The following CTNNA2 variants were observed in gnomAD, a reference collection of about 807,000 sequenced individuals.
CTNNA2 encodes catenin alpha 2, also known as catenin alpha-2.
In CTNNA2, 42 loss-of-function variants were observed where a neutral mutation model predicts 101.0. The observed-to-expected ratio is 0.42, with a 90% CI of 0.32 to 0.54. CTNNA2 has a LOEUF of 0.54. CTNNA2 is among the 20% of genes least tolerant of loss of function. The pLI is 0.14. For missense variants in CTNNA2, 871 were observed against 1,223.1 expected (o/e 0.71, Z 4.29); for synonymous variants, 450 against 456.4 (o/e 0.99, Z 0.18).
intron 7 of CTNNA2, among the ~76,000 whole-genome samples, chr2:79,931,855 C>T (rs532647834): frequency 6.6e-6 from 1 of 152,284 alleles, no homozygotes; most frequent in Admixed American, 6.5e-5. Flanking sequence ...ACATGGGAAT[C>T]CAGGGATTTG....
At chr2:79,264,658 G>A (rs1674967203) in intron 2 of CTNNA2, among the ~76,000 whole-genome samples, 1 of 152,036 alleles carries the variant, frequency 6.6e-6, no homozygotes, top group African/African-American at 2.4e-5. Flanking sequence ...TCAGGAGTCA[G>A]GATGGTGACT....
At chr2:79,343,070 C>T (rs1677172972) in intron 3 of CTNNA2, among the ~76,000 whole-genome samples, 9 of 152,206 alleles carry the variant, frequency 5.9e-5, no homozygotes, top group Admixed American at 5.2e-4. Context: ...CAGCTGTGCA[C>T]ATTGATTTAT....
At chr2:79,619,411 A>G (rs556524258) in intron 1 of CTNNA2, among the ~76,000 whole-genome samples, 1 of 152,286 alleles carries the variant, frequency 6.6e-6, no homozygotes, top group African/African-American at 2.4e-5. Context: ...ATCCAGTTAC[A>G]CTGCTTTAAT....
At position 79,651,584 on chromosome 2, in the gene CTNNA2, C is replaced by T; in HGVS notation, c.28C>T (p.Leu10=). ...GACTTCGGCAACTTCACCTATCATT[C>T]TGAAATGGGACCCCAAAAGTTTGGA... MTSATSPII[L]KWDPKSLEIR... Residue 10 remains leucine (L), a synonymous_variant, in exon 2 of 19, where the codon CTG becomes TTG. Coordinates refer to ENST00000402739, the MANE Select transcript of CTNNA2 (RefSeq NM_001282597.3). The T allele has an allele frequency of 1.9e-6, 3 of 1,613,844 alleles. No individual in the cohort carries two copies. The South Asian group carries it at 3.3e-5, about 18-fold the overall frequency.
chr2:80,296,334 C>T (rs184155819), intron 7 of CTNNA2, among the ~76,000 whole-genome samples: 1 of 152,254 alleles, frequency 6.6e-6, no homozygotes, highest in African/African-American at 2.4e-5. Context: ...TCAAGTTTCT[C>T]ATTTTCCTTC....
intron 7 of CTNNA2, among the ~76,000 whole-genome samples, chr2:80,187,872 A>G (rs955276213): frequency 6.6e-6 from 1 of 151,940 alleles, no homozygotes; most frequent in South Asian, 2.1e-4. Context: ...TTTTATCCTC[A>G]CCTTACAACC....
intron 2 of CTNNA2, among the ~76,000 whole-genome samples, chr2:79,203,444 G>C (rs143138609): frequency 2.5e-4 from 38 of 151,824 alleles, no homozygotes; most frequent in African/African-American, 9.2e-4. Context: ...ATTACAAATG[G>C]AGGGAAAAAG....
intron 3 of CTNNA2, among the ~76,000 whole-genome samples, chr2:79,776,171 C>A (rs1673948483): frequency 6.6e-6 from 1 of 152,126 alleles, no homozygotes; most frequent in South Asian, 2.1e-4. Context: ...AATGTGGAAT[C>A]CTCAAATAAT....
chr2:79,869,521 A>G (rs1275260194), intron 4 of CTNNA2, among the ~76,000 whole-genome samples: 1 of 152,202 alleles, frequency 6.6e-6, no homozygotes, highest in Non-Finnish European at 1.5e-5. Context: ...TAGTGTTTCT[A>G]CTTAAAGGTC....
chr2:80,234,440 T>A (rs1709434635), intron 7 of CTNNA2, among the ~76,000 whole-genome samples: 1 of 152,228 alleles, frequency 6.6e-6, no homozygotes, highest in African/African-American at 2.4e-5. Context: ...GAAAAGTGCT[T>A]TAGTTAATAT....
intron 7 of CTNNA2, among the ~76,000 whole-genome samples, chr2:80,250,585 T>A (rs1671689645): frequency 6.6e-6 from 1 of 152,074 alleles, no homozygotes; most frequent in African/African-American, 2.4e-5. Context: ...GGTGGAATGT[T>A]TTAGAGAACA....
chr2:79,386,878 G>T (rs966856745), intron 4 of CTNNA2, among the ~76,000 whole-genome samples: 5 of 152,096 alleles, frequency 3.3e-5, no homozygotes, highest in African/African-American at 1.2e-4. Context: ...ATTCATCTTG[G>T]TTATCTAAGT....
intron 7 of CTNNA2, among the ~76,000 whole-genome samples, chr2:80,121,254 A>C (rs1701816809): frequency 6.6e-6 from 1 of 152,210 alleles, no homozygotes; most frequent in Non-Finnish European, 1.5e-5. Context: ...ATAGATTAGA[A>C]TTTCAGCTCT....
At chr2:79,694,084 G>A (rs1684496435) in intron 2 of CTNNA2, among the ~76,000 whole-genome samples, 4 of 151,884 alleles carry the variant, frequency 2.6e-5, no homozygotes, top group Admixed American at 2.0e-4. Flanking sequence ...GACATGGACA[G>A]GAGCATCTTC....
At chr2:80,168,727 CA>C (rs1197310868) in intron 7 of CTNNA2, among the ~76,000 whole-genome samples, 2 of 152,076 alleles carry the variant, frequency 1.3e-5, no homozygotes, top group Non-Finnish European at 2.9e-5. Context: ...CTTTCCATAT[CA>C]ATTAAATCAG....
chr2:80,547,782 C>T (rs1350147466), intron 11 of CTNNA2, among the ~76,000 whole-genome samples: 5 of 150,906 alleles, frequency 3.3e-5, no homozygotes, highest in Non-Finnish European at 1.5e-5. Flanking sequence ...TTCCGCCTCC[C>T]GGATTCAAGC....
At chr2:80,457,005 G>A (rs1328620088) in intron 9 of CTNNA2, among the ~76,000 whole-genome samples, 2 of 152,146 alleles carry the variant, frequency 1.3e-5, no homozygotes, top group Admixed American at 6.5e-5. Context: ...TTTTCAACAC[G>A]AAAGAATGAT....
intron 16 of CTNNA2, 28 bp from the exon 17 acceptor site, chr2:80,608,156 T>C (rs1339922792): frequency 1.3e-6 from 2 of 1,587,676 alleles, no homozygotes. Context: ...TACTTACTAA[T>C]CAAGATCACT....
intron 9 of CTNNA2, among the ~76,000 whole-genome samples, chr2:80,466,536 T>C (rs1388473539): frequency 6.6e-6 from 1 of 152,184 alleles, no homozygotes; most frequent in Non-Finnish European, 1.5e-5. Context: ...TAATAAAAAA[T>C]GTTGTAGACA....
Sources: gnomAD v4.1 joint callset for allele counts (sites outside exome capture counted in the v4.1 genomes callset) on GRCh38, gnomAD v4.1.1 for gene constraint, MANE v1.5 for transcripts, NCBI Gene and HGNC (gene_info 2026-07-23, HGNC 2026-07-21) for gene names.